PLEKHA6: variants seen among roughly 807,000 people sequenced by gnomAD.
PLEKHA6 encodes the protein pleckstrin homology domain-containing family A member 6.
PLEKHA6 carries 60 observed loss-of-function variants against 116.7 expected under a neutral mutation model. The ratio of observed to expected loss-of-function variants is 0.51; its 90% CI spans 0.42 to 0.64. The LOEUF (loss-of-function observed/expected upper bound fraction) is 0.64. Among genes scored for constraint, PLEKHA6 ranks in the 30% least tolerant of loss-of-function variants. The pLI is 0.00. For synonymous variants in PLEKHA6, 489 were observed against 556.1 expected (o/e 0.88, Z 1.70); for missense variants, 1,338 against 1,422.7 (o/e 0.94, Z 0.96).
At chr1:204,290,823 C>A (rs954093671) in intron 1 of PLEKHA6, among the ~76,000 whole-genome samples, 16 of 151,984 alleles carry the variant, frequency 1.1e-4, no homozygotes, top group African/African-American at 3.9e-4. Context: ...AATCCCGTCA[C>A]TACTAACAAT....
chr1:204,267,744 C>T (rs1666989452), intron 4 of PLEKHA6, among the ~76,000 whole-genome samples, 197 bp from the exon 5 acceptor site: 1 of 152,146 alleles, frequency 6.6e-6, no homozygotes, highest in South Asian at 2.1e-4. Context: ...TGTGACCTTC[C>T]AGTTCTGTCA....
chr1:204,351,112 C>G (rs1380881304), intron 1 of PLEKHA6, among the ~76,000 whole-genome samples: 1 of 152,080 alleles, frequency 6.6e-6, no homozygotes, highest in African/African-American at 2.4e-5. Context: ...GCCAGGCTGC[C>G]TTGCTTAGGA....
chr1:204,283,681 AGGGGGAGATGCC>A (rs1668873602), intron 1 of PLEKHA6, among the ~76,000 whole-genome samples: 6 of 152,340 alleles, frequency 3.9e-5, no homozygotes, highest in Admixed American at 3.9e-4. Flanking sequence ...TTCATGGTTC[AGGGGGAGATGCC>A]AGCTTTTCAA....
At chr1:204,372,336 C>T (rs1229490053) in intron 1 of PLEKHA6, among the ~76,000 whole-genome samples, 1 of 152,112 alleles carries the variant, frequency 6.6e-6, no homozygotes, top group East Asian at 1.9e-4. Flanking sequence ...ACCCTCTGGG[C>T]TCTAGATTGG....
In PLEKHA6 at chr1:204,288,124, C is replaced by G. The variant is rs930190824; in HGVS notation, c.-94-13315G>C. Among the ~76,000 whole-genome samples, 4 of 152,230 alleles carry G rather than the reference C, an allele frequency of 2.6e-5. 1 individual carries two copies. The highest frequency in any genetic ancestry group is 1.3e-4 in the Admixed American group (2 of 15,284). On this transcript the variant is annotated intron_variant, in intron 1 of 22. Coordinates refer to ENST00000272203, the MANE Select transcript of PLEKHA6 (RefSeq NM_014935.5). ...ACTCACCGGCTCTTCTTTGCTGTTC[C>G]CTCTGCTGCCTCTAGCCCTGACTCC...
chr1:204,353,726 T>G (rs1463871703), intron 1 of PLEKHA6, among the ~76,000 whole-genome samples: 8 of 152,332 alleles, frequency 5.3e-5, no homozygotes, highest in Non-Finnish European at 1.2e-4. Flanking sequence ...ATGAGGATAC[T>G]GAGGCTCAGA....
At chr1:204,308,511 C>A (rs562301795) in intron 1 of PLEKHA6, among the ~76,000 whole-genome samples, 1 of 151,956 alleles carries the variant, frequency 6.6e-6, no homozygotes, top group East Asian at 1.9e-4. Context: ...AATCACTTAA[C>A]CTCTCTGAGC....
chr1:204,307,297 A>C (rs1671410594), intron 1 of PLEKHA6: 1 of 152,210 alleles, frequency 6.6e-6, no homozygotes, highest in South Asian at 2.1e-4. Context: ...GGCTGGCCCC[A>C]GATCTTCCTA....
chr1:204,283,416 G>C (rs1668843411), intron 1 of PLEKHA6, among the ~76,000 whole-genome samples: 1 of 152,232 alleles, frequency 6.6e-6, no homozygotes, highest in Non-Finnish European at 1.5e-5. Flanking sequence ...CACTGGACCA[G>C]AGAGCAGAGG....
At chr1:204,348,441 C>A (rs1244697770) in intron 1 of PLEKHA6, among the ~76,000 whole-genome samples, 1 of 152,034 alleles carries the variant, frequency 6.6e-6, no homozygotes, top group Admixed American at 6.6e-5. Context: ...AGAGCAAAGT[C>A]CATTTGGGAA....
At chr1:204,345,260 A>T (rs768793914) in intron 1 of PLEKHA6, among the ~76,000 whole-genome samples, 4 of 152,116 alleles carry the variant, frequency 2.6e-5, no homozygotes, top group African/African-American at 7.2e-5. Context: ...TGATACAAAA[A>T]AGTCCTTCCT....
At position 204,230,600 on chromosome 1, in the gene PLEKHA6, A is replaced by G; in HGVS notation, c.2410-14T>C. 3 of 1,591,510 alleles carry G rather than the reference A, an allele frequency of 1.9e-6. No individual in the cohort carries two copies. Among genetic ancestry groups the G allele is most frequent in the Non-Finnish European group, 2.6e-6 (3 of 1,168,600 alleles). On this transcript the variant is annotated splice_polypyrimidine_tract_variant and intron_variant, in intron 17 of 22. Coordinates refer to ENST00000272203, the MANE Select transcript of PLEKHA6 (RefSeq NM_014935.5). ...CTTGGGGCGTTCCTGCTGCCATGGG[A>G]AAACAGGGCTCTGACAAGTGCCTTA...
chr1:204,357,301 TGGAG>T (rs1464394623), intron 1 of PLEKHA6, among the ~76,000 whole-genome samples: 2 of 152,150 alleles, frequency 1.3e-5, no homozygotes, highest in African/African-American at 2.4e-5. Context: ...CATCTGGATG[TGGAG>T]GGAGTCTGGA....
At chr1:204,260,001 C>T (rs1179684336) in intron 7 of PLEKHA6, among the ~76,000 whole-genome samples, 1 of 152,146 alleles carries the variant, frequency 6.6e-6, no homozygotes, top group Admixed American at 6.5e-5. Context: ...CTCTGCAGGT[C>T]ATTCTCCACC....
intron 1 of PLEKHA6, among the ~76,000 whole-genome samples, chr1:204,355,630 G>A (rs1024870927): frequency 6.6e-6 from 1 of 150,706 alleles, no homozygotes; most frequent in African/African-American, 2.4e-5. Context: ...AACAGAGATG[G>A]GGTTTCACCA....
At chr1:204,311,256 C>T (rs1671647232) in intron 1 of PLEKHA6, among the ~76,000 whole-genome samples, 1 of 152,184 alleles carries the variant, frequency 6.6e-6, no homozygotes, top group Non-Finnish European at 1.5e-5. Flanking sequence ...CTTTGGGAGG[C>T]TGAGGCAGGC....
Position 204,238,130 on chromosome 1 carries a change from G to A in PLEKHA6, c.2409+3245C>T, listed in dbSNP as rs1402349017. On this transcript the variant is annotated intron_variant, in intron 17 of 22. Coordinates refer to ENST00000272203, the MANE Select transcript of PLEKHA6 (RefSeq NM_014935.5). The surrounding 1 kb of genome is among the most constrained non-coding windows in gnomAD (Gnocchi z 4.2). Reference sequence around the variant, plus strand: ...ATTCCTCATTTGGTGTGTTGCTCTGGCCCATTTATCAAGTGACCTGAAAGG... The same window carrying A: ...ATTCCTCATTTGGTGTGTTGCTCTGACCCATTTATCAAGTGACCTGAAAGG... Among the ~76,000 whole-genome samples, 1 of 152,182 alleles carries A rather than the reference G, an allele frequency of 6.6e-6. No homozygotes were observed. The highest frequency in any genetic ancestry group is 1.5e-5 in the Non-Finnish European group (1 of 68,032).
At chr1:204,362,937 T>A (rs1216596068), upstream of PLEKHA6, among the ~76,000 whole-genome samples, 2 of 152,206 alleles carry the variant, frequency 1.3e-5, no homozygotes, top group East Asian at 3.8e-4. Flanking sequence ...CCTGTTTTCC[T>A]CACCTGCAAA....
chr1:204,251,673 A>C (rs1571887174), intron 9 of PLEKHA6: 2 of 682,414 alleles, frequency 2.9e-6, no homozygotes, highest in African/African-American at 1.8e-5. Context: ...TCTCCCCTTC[A>C]CCCACCTGTG....
Sources: gnomAD v4.1 joint callset for allele counts (sites outside exome capture counted in the v4.1 genomes callset) on GRCh38, gnomAD v4.1.1 for gene constraint, Gnocchi (gnomAD v3.1) non-coding constraint, MANE v1.5 for transcripts, NCBI Gene and HGNC (gene_info 2026-07-23, HGNC 2026-07-21) for gene names.